Variants in PIK3C2G observed in about 807,000 individuals in gnomAD.
PIK3C2G encodes phosphatidylinositol-4-phosphate 3-kinase catalytic subunit type 2 gamma, also known as phosphatidylinositol 3-kinase C2 domain-containing subunit gamma.
Under a neutral mutation model 181.1 loss-of-function variants are expected in PIK3C2G, and 168 were observed. The ratio of observed to expected loss-of-function variants is 0.93; its 90% CI spans 0.82 to 1.05. The LOEUF (loss-of-function observed/expected upper bound fraction) is 1.05. Among genes scored for constraint, PIK3C2G ranks in the 50% least tolerant of loss-of-function variants. The pLI is 0.00. For synonymous variants in PIK3C2G, 573 were observed against 592.2 expected (o/e 0.97, Z 0.47); for missense variants, 1,869 against 1,732.8 (o/e 1.08, Z -1.40).
intron 18 of PIK3C2G, among the ~76,000 whole-genome samples, chr12:18,449,364 C>T (rs1480037210): frequency 1.3e-5 from 2 of 151,870 alleles, no homozygotes; most frequent in Non-Finnish European, 2.9e-5. Flanking sequence ...ATACATGTGC[C>T]ATGGTAGTTT....
At chr12:18,698,246 T>C in the PIK3C2G span, among the ~76,000 whole-genome samples, 3 of 145,800 alleles carry the variant, frequency 2.1e-5, no homozygotes, top group Non-Finnish European at 4.5e-5. Flanking sequence ...ACTTTTCTTC[T>C]ATTCTATTCT....
intron 12 of PIK3C2G, among the ~76,000 whole-genome samples, chr12:18,367,641 G>T (rs1428148728): frequency 6.7e-6 from 1 of 150,080 alleles, no homozygotes; most frequent in Non-Finnish European, 1.5e-5. Context: ...TGCAACCTCC[G>T]CCTCCCGGGT....
chr12:18,651,191 T>C (rs1950500542), downstream of PIK3C2G, among the ~76,000 whole-genome samples: 1 of 152,036 alleles, frequency 6.6e-6, no homozygotes, highest in South Asian at 2.1e-4. Context: ...GCTTCATCCC[T>C]GGGATCTTTG....
intron 1 of PIK3C2G, among the ~76,000 whole-genome samples, chr12:18,263,627 T>A (rs1408047006): frequency 6.6e-6 from 1 of 152,208 alleles, no homozygotes; most frequent in African/African-American, 2.4e-5. Flanking sequence ...CTCTTTACCT[T>A]ATAAAGTGTT....
chr12:18,310,838 T>C (rs897660103), intron 5 of PIK3C2G, among the ~76,000 whole-genome samples: 1 of 151,958 alleles, frequency 6.6e-6, no homozygotes, highest in Non-Finnish European at 1.5e-5. Context: ...CTTGGATAGC[T>C]GAGACTTCTC....
At chr12:18,271,787 G>C (rs1013057769) in intron 1 of PIK3C2G, among the ~76,000 whole-genome samples, 5 of 152,066 alleles carry the variant, frequency 3.3e-5, no homozygotes, top group Non-Finnish European at 7.4e-5. Flanking sequence ...CTCAATTCAA[G>C]ACCCACATGT....
chr12:18,484,990 A>G (rs1939895154), intron 18 of PIK3C2G, among the ~76,000 whole-genome samples: 1 of 152,180 alleles, frequency 6.6e-6, no homozygotes, highest in Admixed American at 6.6e-5. Context: ...GGGAAGGGGA[A>G]GCCCTGGAGT....
intron 12 of PIK3C2G, among the ~76,000 whole-genome samples, chr12:18,370,219 C>T (rs1023099613): frequency 1.3e-5 from 2 of 152,178 alleles, no homozygotes; most frequent in African/African-American, 2.4e-5. Context: ...CTCAAACAAT[C>T]ATGCCACCTA....
At chr12:18,699,896 C>T in the PIK3C2G span, 1 of 1,612,608 alleles carries the variant, frequency 6.2e-7, no homozygotes, top group Non-Finnish European at 8.5e-7. Context: ...AATTTCTCAG[C>T]TTTCGTATAA....
the PIK3C2G span, among the ~76,000 whole-genome samples, chr12:18,677,660 A>C: frequency 6.6e-6 from 1 of 152,112 alleles, no homozygotes. Flanking sequence ...CACCAATTTC[A>C]TCAGAATCTC....
At chr12:18,491,305 T>C (rs779795443) in intron 19 of PIK3C2G, 146 bp from the exon 20 acceptor site, 11 of 581,834 alleles carry the variant, frequency 1.9e-5, no homozygotes, top group Non-Finnish European at 3.1e-5. Flanking sequence ...CATGCCTGAA[T>C]ACATCACCTG....
chr12:18,284,179 T>C (rs1019925370), intron 2 of PIK3C2G, among the ~76,000 whole-genome samples: 9 of 152,182 alleles, frequency 5.9e-5, no homozygotes, highest in African/African-American at 2.2e-4. Flanking sequence ...TTGGATAGGA[T>C]TGTGTTAATT....
intron 5 of PIK3C2G, among the ~76,000 whole-genome samples, chr12:18,294,712 C>T (rs973166546): frequency 6.6e-6 from 1 of 151,926 alleles, no homozygotes; most frequent in Non-Finnish European, 1.5e-5. Flanking sequence ...ATAAATATTT[C>T]TCTGCTGGTA....
downstream of PIK3C2G, among the ~76,000 whole-genome samples, chr12:18,651,159 A>G (rs558873517): frequency 2.6e-5 from 4 of 152,152 alleles, no homozygotes; most frequent in South Asian, 2.1e-4. Context: ...CCTCCTTTGT[A>G]TCTCCTGGAC....
chr12:18,628,843 G>C (rs1007051139), intron 31 of PIK3C2G, among the ~76,000 whole-genome samples: 3 of 152,104 alleles, frequency 2.0e-5, no homozygotes, highest in Admixed American at 1.3e-4. Context: ...GGTAGTTCCA[G>C]CTACTTGGGA....
Position 18,377,893 on chromosome 12 carries a change from G to A in PIK3C2G, c.1881-3873G>A, listed in dbSNP as rs117134581. ...CTTTTTGAGATGGAGTTTCACTCTC[G>A]TTGCCCAGGCTGGAGTGCAATGGTG... On this transcript the variant is annotated intron_variant, in intron 13 of 32. Transcript: ENST00000538779. Among the ~76,000 whole-genome samples the A allele has an allele frequency of 9.9e-3, 1,507 of 152,092 alleles. 7 individuals carry two copies. Among genetic ancestry groups the A allele is most frequent in the Non-Finnish European group, 0.015 (1,021 of 68,006 alleles).
chr12:18,399,063 C>G (rs938907797), intron 15 of PIK3C2G, among the ~76,000 whole-genome samples: 2 of 149,066 alleles, frequency 1.3e-5, no homozygotes, highest in Non-Finnish European at 3.0e-5. Context: ...GGCGTAGTGG[C>G]GGGCGCCTGT....
upstream of PIK3C2G, among the ~76,000 whole-genome samples, chr12:18,244,796 G>A (rs971470357): frequency 6.6e-6 from 1 of 152,022 alleles, no homozygotes; most frequent in Non-Finnish European, 1.5e-5. Flanking sequence ...TAATTCAGAA[G>A]CAATGTATGG....
chr12:18,634,535 A>G (rs1038730720), intron 31 of PIK3C2G, among the ~76,000 whole-genome samples: 12 of 152,228 alleles, frequency 7.9e-5, no homozygotes, highest in African/African-American at 2.4e-4. Flanking sequence ...GTCCAATGTA[A>G]TCAACCGGCC....
Sources: allele counts gnomAD v4.1 joint callset (sites outside exome capture counted in the v4.1 genomes callset), GRCh38; gene constraint gnomAD v4.1.1; transcripts MANE v1.5; gene names NCBI Gene and HGNC (gene_info 2026-07-23, HGNC 2026-07-21).